The following SNTG2 variants were observed in gnomAD, a reference collection of about 807,000 sequenced individuals.
SNTG2 encodes the protein gamma-2-syntrophin.
In SNTG2, 74 loss-of-function variants were observed where a neutral mutation model predicts 70.9. The observed-to-expected ratio is 1.04, with a 90% CI of 0.86 to 1.27. The LOEUF (loss-of-function observed/expected upper bound fraction) is 1.27. SNTG2 is among the 50% of genes most tolerant of loss of function. The pLI, the probability that SNTG2 is intolerant of heterozygous loss-of-function variation, is 0.00. For synonymous variants in SNTG2, 278 were observed against 273.8 expected, an observed-to-expected ratio of 1.02 and a Z score of -0.15; for missense variants, 717 against 690.7, an observed-to-expected ratio of 1.04 and a Z score of -0.43.
intron 1 of SNTG2, among the ~76,000 whole-genome samples, chr2:1,017,534 T>G (rs578216758): frequency 6.8e-6 from 1 of 147,590 alleles, no homozygotes; most frequent in Non-Finnish European, 1.5e-5. Flanking sequence ...TATATGCATA[T>G]CCACACAGGC....
intron 8 of SNTG2, among the ~76,000 whole-genome samples, chr2:1,201,674 C>T (rs1013521333): frequency 2.6e-5 from 4 of 151,888 alleles, no homozygotes; most frequent in African/African-American, 9.7e-5. Flanking sequence ...ATTTTTAATA[C>T]CTTGTTTTGA....
intron 14 of SNTG2, among the ~76,000 whole-genome samples, chr2:1,295,724 C>G (rs1680178080): frequency 6.6e-6 from 1 of 151,476 alleles, no homozygotes; most frequent in East Asian, 2.0e-4. Context: ...GAGGGAGGAG[C>G]AGGCAGACGT....
Position 981,762 on chromosome 2 carries a change from G to A in SNTG2, c.72+30694G>A, listed in dbSNP as rs565101662. ...AATGCATGTCCCTACATGAACATGA[G>A]TACACACATGCCCCCACACTTGCAA... On this transcript the variant is annotated intron_variant, in intron 1 of 16. Coordinates refer to ENST00000308624, the MANE Select transcript of SNTG2 (RefSeq NM_018968.4). Among the ~76,000 whole-genome samples, 19 of 152,266 alleles carry A rather than the reference G, an allele frequency of 1.2e-4. No individual in the cohort carries two copies. The East Asian group carries it at 3.5e-3, about 28-fold the overall frequency.
At chr2:1,280,042 A>G (rs1679451773) in intron 14 of SNTG2, among the ~76,000 whole-genome samples, 1 of 152,250 alleles carries the variant, frequency 6.6e-6, no homozygotes, top group Admixed American at 6.5e-5. Flanking sequence ...TATGCAAAAC[A>G]TAATTTTCTT....
At chr2:1,094,782 G>A (rs1665271828) in intron 2 of SNTG2, among the ~76,000 whole-genome samples, 1 of 74,928 alleles carries the variant, frequency 1.3e-5, no homozygotes, top group African/African-American at 7.1e-5. Context: ...TTACTGGCAA[G>A]GGCCAGCTTA....
chr2:1,166,352 C>T (rs78074893), intron 7 of SNTG2, among the ~76,000 whole-genome samples: 3,173 of 152,210 alleles, frequency 0.021, 106 homozygotes, highest in African/African-American at 0.073. Context: ...GAGGACCTCC[C>T]GCTGAGCCGA....
chr2:1,226,064 T>C (rs1409598410), intron 9 of SNTG2, among the ~76,000 whole-genome samples: 4 of 152,186 alleles, frequency 2.6e-5, no homozygotes, highest in African/African-American at 7.2e-5. Flanking sequence ...CAAAAACATA[T>C]TAAAACTTTC....
intron 4 of SNTG2, among the ~76,000 whole-genome samples, chr2:1,135,166 A>C (rs1219291422): frequency 6.6e-6 from 1 of 152,160 alleles, no homozygotes; most frequent in Non-Finnish European, 1.5e-5. Flanking sequence ...TTAGTTCCAG[A>C]CAAGAAATGG....
chr2:1,151,674 T>C (rs978607533), intron 6 of SNTG2, among the ~76,000 whole-genome samples: 1 of 152,170 alleles, frequency 6.6e-6, no homozygotes, highest in African/African-American at 2.4e-5. Flanking sequence ...CCGAAAGCCT[T>C]TGCGTCCTGG....
intron 4 of SNTG2, among the ~76,000 whole-genome samples, chr2:1,102,158 T>C (rs1665820092): frequency 1.3e-5 from 2 of 152,130 alleles, no homozygotes; most frequent in Non-Finnish European, 2.9e-5. Context: ...ACGGCTCCTG[T>C]GGAGTGAGCG....
intron 16 of SNTG2, among the ~76,000 whole-genome samples, chr2:1,328,989 A>G (rs1681877706): frequency 6.6e-6 from 1 of 152,108 alleles, no homozygotes; most frequent in Non-Finnish European, 1.5e-5. Flanking sequence ...ACACCCACAC[A>G]CTTAATACTA....
chr2:1,071,191 C>T (rs1326858930), intron 1 of SNTG2, among the ~76,000 whole-genome samples: 3 of 151,902 alleles, frequency 2.0e-5, no homozygotes, highest in Non-Finnish European at 4.4e-5. Context: ...GCTATAAAGA[C>T]ACATGCACAC....
chr2:1,202,768 T>C (rs1673356738), intron 8 of SNTG2, among the ~76,000 whole-genome samples: 1 of 152,262 alleles, frequency 6.6e-6, no homozygotes, highest in East Asian at 1.9e-4. Context: ...AAAATATCAG[T>C]CTATTAATGT....
intron 1 of SNTG2, among the ~76,000 whole-genome samples, chr2:1,043,642 T>C (rs1661568789): frequency 6.6e-6 from 1 of 152,244 alleles, no homozygotes; most frequent in African/African-American, 2.4e-5. Context: ...GCTAGCCAGT[T>C]ATCCCAGCAC....
chr2:1,269,943 CA>C lies in SNTG2; in HGVS notation c.1284+2373del, dbSNP rs567535561. 1.9e-4 allele frequency among the ~76,000 whole-genome samples: 29 copies of C among 152,222 alleles called. No homozygotes were observed. In the South Asian group the frequency reaches 5.8e-3, roughly 30 times the overall value. On this transcript the variant is annotated intron_variant, in intron 14 of 16. Coordinates refer to ENST00000308624, the MANE Select transcript of SNTG2 (RefSeq NM_018968.4). ...GTGGGGCTGTGGGGGCCGTGATGAC[CA>C]CTGTTGGGAAGAACTTCTGGGGCCG...
chr2:1,305,372 A>G (rs148388528), intron 14 of SNTG2, among the ~76,000 whole-genome samples: 76 of 152,358 alleles, frequency 5.0e-4, no homozygotes, highest in African/African-American at 1.8e-3. Context: ...ATGTCTTTCA[A>G]GAAACCAGTA....
chr2:1,022,467 A>ATGAGTCCCTGAGTTCCCG (rs762323943), intron 1 of SNTG2, among the ~76,000 whole-genome samples: 1 of 150,728 alleles, frequency 6.6e-6, no homozygotes, highest in African/African-American at 2.4e-5. Flanking sequence ...CTGAGTTCCC[A>ATGAGTCCCTGAGTTCCCG]TGAGTCCCTG....
chr2:1,309,887 G>A (rs1350829377), intron 15 of SNTG2, among the ~76,000 whole-genome samples: 2 of 152,194 alleles, frequency 1.3e-5, no homozygotes, highest in African/African-American at 4.8e-5. Context: ...TGTTCTTCCC[G>A]CTGTCCCTGG....
intron 16 of SNTG2, among the ~76,000 whole-genome samples, chr2:1,328,553 C>T (rs944106301): frequency 4.0e-5 from 6 of 151,866 alleles, no homozygotes; most frequent in African/African-American, 9.7e-5. Flanking sequence ...TGGTATTGAA[C>T]GGGACAGGAG....
Sources: allele counts gnomAD v4.1 joint callset (sites outside exome capture counted in the v4.1 genomes callset), GRCh38; gene constraint gnomAD v4.1.1; transcripts MANE v1.5; gene names NCBI Gene and HGNC (gene_info 2026-07-23, HGNC 2026-07-21).